CNTN4: variants seen among roughly 807,000 people sequenced by gnomAD.
The protein encoded by CNTN4 is contactin 4.
Under a neutral mutation model 122.5 loss-of-function variants are expected in CNTN4, and 77 were observed. The observed-to-expected ratio is 0.63, with a 90% CI of 0.52 to 0.76. The LOEUF is 0.76. Among genes scored for constraint, CNTN4 ranks in the 30% least tolerant of loss-of-function variants. The pLI is 0.00. For synonymous variants in CNTN4, 512 were observed against 447.0 expected (o/e 1.15, Z -1.83); for missense variants, 1,256 against 1,259.1 (o/e 1.00, Z 0.04).
intron 3 of CNTN4, among the ~76,000 whole-genome samples, chr3:2,457,785 A>G (rs948665150): frequency 1.3e-5 from 2 of 152,116 alleles, no homozygotes; most frequent in Non-Finnish European, 2.9e-5. Flanking sequence ...TTCATTAAGC[A>G]TGTTTTAGCC....
chr3:2,770,033 TTG>T lies in CNTN4; in HGVS notation c.358+24338_358+24339del, dbSNP rs199911290. 7.8e-3 allele frequency among the ~76,000 whole-genome samples: 1,034 copies of T among 133,300 alleles called. 34 individuals carry two copies. In the East Asian group the frequency reaches 0.099, roughly 13 times the overall value. The allele number at this position is 133,300 out of a possible 152,430, so 87.4% of individuals were successfully genotyped here. ...TGTCTCTTTTTGTTTGTTTGTTTGTTTGTTTTTTTTTTTTGAGACGAAGTGTC... is the reference window on the plus strand; with the variant it reads ...TGTCTCTTTTTGTTTGTTTGTTTGTTTTTTTTTTTTTTGAGACGAAGTGTC... On this transcript the variant is annotated intron_variant, in intron 6 of 24. Coordinates refer to ENST00000418658, the MANE Select transcript of CNTN4 (RefSeq NM_175607.3).
At chr3:2,932,800 C>A (rs199718162) in intron 13 of CNTN4, among the ~76,000 whole-genome samples, 2 of 148,840 alleles carry the variant, frequency 1.3e-5, no homozygotes, top group East Asian at 2.0e-4. Context: ...TGCTTACAGT[C>A]TTTATTTATT....
intron 6 of CNTN4, among the ~76,000 whole-genome samples, chr3:2,765,672 T>C (rs1304609527): frequency 6.6e-6 from 1 of 152,230 alleles, no homozygotes; most frequent in Non-Finnish European, 1.5e-5. Flanking sequence ...GCTGCACATA[T>C]AAGTTCCTCT....
chr3:2,768,412 C>A (rs2090953633), intron 6 of CNTN4, among the ~76,000 whole-genome samples: 1 of 152,136 alleles, frequency 6.6e-6, no homozygotes, highest in Admixed American at 6.5e-5. Flanking sequence ...AATTTGTTAA[C>A]TACAAATTGT....
At chr3:2,805,655 C>A (rs185599687) in intron 6 of CNTN4, among the ~76,000 whole-genome samples, 9 of 152,150 alleles carry the variant, frequency 5.9e-5, no homozygotes, top group African/African-American at 2.2e-4. Flanking sequence ...CACTGACCTG[C>A]ATTGAAAACA....
intron 2 of CNTN4, among the ~76,000 whole-genome samples, chr3:2,187,106 A>T (rs140758684): frequency 1.3e-5 from 2 of 152,108 alleles, no homozygotes; most frequent in Non-Finnish European, 2.9e-5. Context: ...ATTTTTGTAT[A>T]AGGTGTAAGG....
At chr3:2,355,911 A>C (rs1466048797) in intron 3 of CNTN4, among the ~76,000 whole-genome samples, 1 of 152,218 alleles carries the variant, frequency 6.6e-6, no homozygotes, top group Non-Finnish European at 1.5e-5. Context: ...AAATTGTAGC[A>C]GGGGCAGGGT....
chr3:2,790,737 A>T (rs1334328815), intron 6 of CNTN4, among the ~76,000 whole-genome samples: 5 of 152,320 alleles, frequency 3.3e-5, no homozygotes, highest in Non-Finnish European at 1.5e-5. Flanking sequence ...AGCAGTTCAG[A>T]GGATGACCAA....
chr3:2,807,426 A>G (rs919067022), intron 6 of CNTN4, among the ~76,000 whole-genome samples: 1 of 152,184 alleles, frequency 6.6e-6, no homozygotes, highest in Non-Finnish European at 1.5e-5. Flanking sequence ...ACTTAAATTC[A>G]ACATAAATAA....
chr3:2,274,873 A>G (rs1355325240), intron 2 of CNTN4, among the ~76,000 whole-genome samples: 1 of 135,728 alleles, frequency 7.4e-6, no homozygotes, highest in Non-Finnish European at 1.6e-5. Flanking sequence ...AATGCTAGGA[A>G]TTCAAGAATG....
At chr3:2,595,984 A>G (rs996683884) in intron 4 of CNTN4, among the ~76,000 whole-genome samples, 5 of 152,228 alleles carry the variant, frequency 3.3e-5, no homozygotes, top group African/African-American at 4.8e-5. Context: ...TGAAGCTATC[A>G]TGGTTTTTCT....
intron 2 of CNTN4, among the ~76,000 whole-genome samples, chr3:2,120,896 A>G (rs772959796): frequency 3.3e-5 from 5 of 152,130 alleles, no homozygotes; most frequent in East Asian, 1.9e-4. Context: ...TATTATCTCA[A>G]TTAAACCTAT....
intron 3 of CNTN4, among the ~76,000 whole-genome samples, chr3:2,425,906 C>T (rs1291285117): frequency 6.6e-6 from 1 of 152,210 alleles, no homozygotes; most frequent in East Asian, 1.9e-4. Flanking sequence ...GTGATTTTTG[C>T]ACATTGATTT....
chr3:2,899,609 C>G (rs959191095), intron 10 of CNTN4, among the ~76,000 whole-genome samples: 1 of 152,004 alleles, frequency 6.6e-6, no homozygotes. Flanking sequence ...TTAACATTGT[C>G]TTTATATCTA....
In CNTN4 at chr3:2,786,357, G is replaced by A. The variant is rs148788797; in HGVS notation, c.359-33129G>A. Among the ~76,000 whole-genome samples, 16 of 152,316 alleles carry A rather than the reference G, an allele frequency of 1.1e-4. No homozygotes were observed. The East Asian group carries it at 3.1e-3, about 29-fold the overall frequency. ...TACCTTCCGGGGCTCCGGGGCCACA[G>A]GCAACCCCTAGATGCTACAGCGGTT... On this transcript the variant is annotated intron_variant, in intron 6 of 24. Transcript: ENST00000418658.
chr3:2,154,834 T>C (rs993041022), intron 2 of CNTN4, among the ~76,000 whole-genome samples: 1 of 152,210 alleles, frequency 6.6e-6, no homozygotes, highest in Non-Finnish European at 1.5e-5. Context: ...TCATCCTCTG[T>C]GTGATCCACA....
rs180742000 is a variant in CNTN4, at chr3:2,385,833, A to G, written c.-89+46600A>G. Among the ~76,000 whole-genome samples, 319 of 152,172 alleles carry G rather than the reference A, an allele frequency of 2.1e-3. 1 individual carries two copies. The highest frequency in any genetic ancestry group is 7.2e-3 in the African/African-American group (301 of 41,562). ...TGCTTCCAAATAAGGTCACATTCAC[A>G]CGTACCAGGGGTCAAGACTTCAACA... On this transcript the variant is annotated intron_variant, in intron 3 of 24. Coordinates refer to ENST00000418658, the MANE Select transcript of CNTN4 (RefSeq NM_175607.3). This position sits in a 1 kb window ranked among gnomAD's most constrained non-coding sequence, Gnocchi z 4.0.
chr3:2,447,787 A>G (rs2048678847), intron 3 of CNTN4, among the ~76,000 whole-genome samples: 1 of 152,138 alleles, frequency 6.6e-6, no homozygotes, highest in African/African-American at 2.4e-5. Flanking sequence ...TTAATTGAGT[A>G]CTTCTTATGT....
At chr3:2,798,087 T>TCTTC (rs1559514320) in intron 6 of CNTN4, among the ~76,000 whole-genome samples, 1 of 147,240 alleles carries the variant, frequency 6.8e-6, no homozygotes, top group Non-Finnish European at 1.5e-5. Context: ...TCCCACTCTT[T>TCTTC]CAACTCTCCA....
Sources: allele counts gnomAD v4.1 joint callset (sites outside exome capture counted in the v4.1 genomes callset), GRCh38; gene constraint gnomAD v4.1.1; non-coding constraint Gnocchi (gnomAD v3.1); transcripts MANE v1.5; gene names NCBI Gene and HGNC (gene_info 2026-07-23, HGNC 2026-07-21).